The following PCDH7 variants were observed in gnomAD, a reference collection of about 807,000 sequenced individuals.
PCDH7 encodes protocadherin 7.
In PCDH7, 17 loss-of-function variants were observed where a neutral mutation model predicts 58.9. That is an observed-to-expected ratio of 0.29 (90% CI 0.20 to 0.43). The LOEUF (loss-of-function observed/expected upper bound fraction) is 0.43, where lower values mean the gene tolerates loss of function less well. Ranked by LOEUF, PCDH7 falls within the 20% of genes least tolerant of loss-of-function variation. The probability of loss-of-function intolerance (pLI) is 1.00; values close to 1 mark genes in which losing one functional copy is unlikely to be tolerated. For missense variants in PCDH7, 1,274 were observed against 1,441.0 expected (o/e 0.88, Z 1.88); for synonymous variants, 664 against 616.4 (o/e 1.08, Z -1.14).
chr4:30,888,322 A>G (rs1738133528), intron 1 of PCDH7, among the ~76,000 whole-genome samples: 1 of 152,166 alleles, frequency 6.6e-6, no homozygotes, highest in Non-Finnish European at 1.5e-5. Context: ...ATAAGCCTAT[A>G]TATTCACATA....
intron 2 of PCDH7, among the ~76,000 whole-genome samples, chr4:30,929,455 A>C (rs1296604195): frequency 6.6e-6 from 1 of 152,176 alleles, no homozygotes; most frequent in Non-Finnish European, 1.5e-5. Context: ...ATTATTGTCC[A>C]GAAAATATAA....
chr4:31,064,898 A>C (rs1457255801), intron 3 of PCDH7, among the ~76,000 whole-genome samples: 2 of 151,982 alleles, frequency 1.3e-5, no homozygotes, highest in African/African-American at 4.8e-5. Flanking sequence ...CTAGAATTTT[A>C]GTTCATATAT....
At chr4:31,060,247 T>C (rs1287697348) in intron 3 of PCDH7, among the ~76,000 whole-genome samples, 4 of 151,788 alleles carry the variant, frequency 2.6e-5, no homozygotes, top group African/African-American at 9.7e-5. Flanking sequence ...GATATCTTTG[T>C]ATGATAATAA....
At chr4:31,040,507 T>C (rs1755770147) in intron 3 of PCDH7, among the ~76,000 whole-genome samples, 1 of 152,230 alleles carries the variant, frequency 6.6e-6, no homozygotes, top group African/African-American at 2.4e-5. Context: ...ATAACCTTAG[T>C]TCAAACTAAT....
chr4:30,861,860 TG>T (rs1734246159), intron 1 of PCDH7, among the ~76,000 whole-genome samples: 1 of 152,134 alleles, frequency 6.6e-6, no homozygotes, highest in Non-Finnish European at 1.5e-5. Flanking sequence ...TAGAGCACCT[TG>T]TTAGCCTTTT....
intron 3 of PCDH7, among the ~76,000 whole-genome samples, chr4:30,959,906 A>G (rs866733756): frequency 1.3e-5 from 2 of 152,192 alleles, no homozygotes; most frequent in South Asian, 4.2e-4. Context: ...TACTTAATCA[A>G]TGAGTAAGCG....
At chr4:30,764,446 G>A (rs1720433590) in intron 1 of PCDH7, among the ~76,000 whole-genome samples, 2 of 152,154 alleles carry the variant, frequency 1.3e-5, no homozygotes, top group African/African-American at 4.8e-5. Context: ...TTTATAAACT[G>A]TTTATCATTT....
chr4:30,813,904 T>C (rs1157985730), intron 1 of PCDH7, among the ~76,000 whole-genome samples: 1 of 152,182 alleles, frequency 6.6e-6, no homozygotes, highest in African/African-American at 2.4e-5. Context: ...CCTCCCAAAG[T>C]GCTGGGATTA....
intron 3 of PCDH7, among the ~76,000 whole-genome samples, chr4:30,988,309 A>G (rs1299345390): frequency 6.6e-6 from 1 of 152,190 alleles, no homozygotes; most frequent in African/African-American, 2.4e-5. Context: ...ATGATGAATT[A>G]CTGAGAATAA....
chr4:30,872,945 A>T (rs537197147), intron 1 of PCDH7, among the ~76,000 whole-genome samples: 1 of 152,214 alleles, frequency 6.6e-6, no homozygotes, highest in East Asian at 1.9e-4. Flanking sequence ...GCACTCAGTA[A>T]ATGATAGCTA....
At chr4:31,082,024 G>T (rs564457615) in intron 3 of PCDH7, among the ~76,000 whole-genome samples, 17 of 152,072 alleles carry the variant, frequency 1.1e-4, no homozygotes, top group Admixed American at 1.1e-3. Flanking sequence ...CTGACCTCGC[G>T]ATCTGCCCAC....
chr4:30,814,381 G>GTCAT (rs1727408990), intron 1 of PCDH7, among the ~76,000 whole-genome samples: 1 of 151,900 alleles, frequency 6.6e-6, no homozygotes, highest in Admixed American at 6.6e-5. Context: ...ATGTCAATTC[G>GTCAT]TCATATGAAT....
chr4:30,920,421 A>G (rs919895093), intron 2 of PCDH7, 52 bp downstream of exon 2: 2 of 1,282,882 alleles, frequency 1.6e-6, no homozygotes, highest in African/African-American at 3.0e-5. Flanking sequence ...GAGCCGTAAT[A>G]AGTAGACTCG....
chr4:30,968,346 ATATATACACACAC>A (rs371868097), intron 3 of PCDH7, among the ~76,000 whole-genome samples: 2 of 73,748 alleles, frequency 2.7e-5, no homozygotes, highest in South Asian at 5.1e-4. Context: ...CACACTATAT[ATATATACACACAC>A]TATATATATA....
At chr4:31,114,189 A>G (rs1033129754) in intron 3 of PCDH7, among the ~76,000 whole-genome samples, 2 of 151,914 alleles carry the variant, frequency 1.3e-5, no homozygotes, top group African/African-American at 4.8e-5. Flanking sequence ...TTCTATCCTC[A>G]TTTTTCAGTT....
chr4:31,049,886 C>A (rs542589542), intron 3 of PCDH7, among the ~76,000 whole-genome samples: 1 of 152,138 alleles, frequency 6.6e-6, no homozygotes, highest in Admixed American at 6.6e-5. Flanking sequence ...AATGTCTACC[C>A]CAAGCTTAGG....
At chr4:30,901,995 T>C (rs1740276152) in intron 1 of PCDH7, among the ~76,000 whole-genome samples, 1 of 152,182 alleles carries the variant, frequency 6.6e-6, no homozygotes, top group African/African-American at 2.4e-5. Flanking sequence ...AACTATGCTA[T>C]GTAACTGTGG....
chr4:30,889,236 TTTAA>T (rs1357408995), intron 1 of PCDH7, among the ~76,000 whole-genome samples: 3 of 151,634 alleles, frequency 2.0e-5, no homozygotes, highest in African/African-American at 4.8e-5. Context: ...GCGGAAACAC[TTTAA>T]TTAAGCATTT....
rs1475601586 is a variant in PCDH7 at position 30,723,306 on chromosome 4, G to C, written c.1884G>C (p.Gln628His). Residue 628 changes from glutamine to histidine, a missense_variant, in exon 1 of 2, where the codon CAG (glutamine) becomes CAC (histidine). Around this residue, in one of 3 missense-constraint regions of PCDH7, gnomAD observed 731 missense variants for 881.9 expected, o/e 0.83. Transcript: ENST00000361762. This position sits in a 1 kb window ranked among gnomAD's most constrained non-coding sequence, Gnocchi z 4.6. Reference sequence around the variant, plus strand: ...AGGGCAGCACTACGGTGATTGTGCAGGTGGCTGATAAAAATGACAATGACC... The same window carrying C: ...AGGGCAGCACTACGGTGATTGTGCACGTGGCTGATAAAAATGACAATGACC... The C allele has an allele frequency of 1.2e-6, 2 of 1,614,230 alleles. No individual in the cohort carries two copies. The highest frequency in any genetic ancestry group is 1.3e-5 in the African/African-American group (1 of 75,066).
Sources: gnomAD v4.1 joint callset for allele counts (sites outside exome capture counted in the v4.1 genomes callset) on GRCh38, gnomAD v4.1.1 for gene constraint, gnomAD v4.1.1 regional missense constraint, Gnocchi (gnomAD v3.1) non-coding constraint, MANE v1.5 for transcripts, NCBI Gene and HGNC (gene_info 2026-07-23, HGNC 2026-07-21) for gene names.